RASSF3: variants seen among roughly 807,000 people sequenced by gnomAD.
RASSF3 encodes the protein ras association domain-containing protein 3.
Under a neutral mutation model 19.9 loss-of-function variants are expected in RASSF3, and 19 were observed. The ratio of observed to expected loss-of-function variants is 0.96; its 90% CI spans 0.67 to 1.40. RASSF3 has a LOEUF of 1.40. Among genes scored for constraint, RASSF3 ranks in the 40% most tolerant of loss-of-function variants. The pLI, the probability that RASSF3 is intolerant of heterozygous loss-of-function variation, is 0.00. For synonymous variants in RASSF3, 110 were observed against 104.2 expected, an observed-to-expected ratio of 1.06 and a Z score of -0.34; for missense variants, 306 against 289.8, an observed-to-expected ratio of 1.06 and a Z score of -0.41.
intron 2 of RASSF3, among the ~76,000 whole-genome samples, chr12:64,590,090 A>G (rs1034913375): frequency 6.7e-6 from 1 of 149,842 alleles, no homozygotes; most frequent in Non-Finnish European, 1.5e-5. Flanking sequence ...AAATTAAATT[A>G]GCCAGGTATG....
chr12:64,568,694 A>C (rs1485113751), intron 2 of RASSF3, among the ~76,000 whole-genome samples: 3 of 151,000 alleles, frequency 2.0e-5, no homozygotes. Context: ...CCTAAGGTGT[A>C]ATAAGCCTTT....
chr12:64,689,097 C>T (rs571697908), intron 3 of RASSF3, among the ~76,000 whole-genome samples: 55 of 152,214 alleles, frequency 3.6e-4, no homozygotes, highest in African/African-American at 1.3e-3. Context: ...AGAAAGAGAA[C>T]ATTAAATATT....
intron 1 of RASSF3, among the ~76,000 whole-genome samples, chr12:64,629,538 G>T (rs7308397): frequency 0.8 from 121,043 of 152,164 alleles, 48,558 homozygotes; most frequent in African/African-American, 0.87. Flanking sequence ...GATCCTAGTA[G>T]TCCTGAAATT....
intron 1 of RASSF3, among the ~76,000 whole-genome samples, chr12:64,617,402 C>T (rs969205132): frequency 1.3e-5 from 2 of 152,144 alleles, no homozygotes; most frequent in African/African-American, 4.8e-5. Context: ...TCCCTGGCCT[C>T]TTTTGGCAAT....
chr12:64,536,552 A>G (rs1286895070), intron 1 of RASSF3, among the ~76,000 whole-genome samples: 1 of 152,206 alleles, frequency 6.6e-6, no homozygotes, highest in Non-Finnish European at 1.5e-5. Context: ...AAATAATAAC[A>G]TAATAACTTT....
intron 2 of RASSF3, among the ~76,000 whole-genome samples, chr12:64,555,707 C>T (rs1477033273): frequency 1.3e-5 from 2 of 151,194 alleles, no homozygotes; most frequent in African/African-American, 2.4e-5. Flanking sequence ...TGAGATCGCA[C>T]CACTGCACTC....
intron 1 of RASSF3, among the ~76,000 whole-genome samples, chr12:64,680,965 G>A (rs1448070352): frequency 1.3e-5 from 2 of 152,112 alleles, no homozygotes; most frequent in Non-Finnish European, 2.9e-5. Flanking sequence ...ACGTAAGGAT[G>A]TCTCAGTTAT....
intron 2 of RASSF3, among the ~76,000 whole-genome samples, chr12:64,562,648 T>G (rs1312949658): frequency 6.6e-6 from 1 of 152,066 alleles, no homozygotes; most frequent in Non-Finnish European, 1.5e-5. Context: ...TGAGGCAGGG[T>G]CTTTCTCTGT....
intron 2 of RASSF3, among the ~76,000 whole-genome samples, chr12:64,560,336 C>A (rs960979008): frequency 2.0e-5 from 3 of 152,164 alleles, no homozygotes; most frequent in Non-Finnish European, 2.9e-5. Context: ...GAGGAGGACC[C>A]TTTTTTAAGC....
rs1868405617 is a variant in RASSF3, at chr12:64,697,557, AG to A, written c.*2646del. 2 of 152,196 alleles carry A rather than the reference AG, an allele frequency of 1.3e-5. No homozygotes were observed. Among genetic ancestry groups the A allele is most frequent in the East Asian group, 3.8e-4 (2 of 5,202 alleles). 9.4% of individuals were successfully genotyped at this position (152,196 alleles called of 1,614,324 possible). On this transcript the variant is annotated 3_prime_UTR_variant, in exon 5 of 5. Coordinates refer to ENST00000542104, the MANE Select transcript of RASSF3 (RefSeq NM_178169.4). ...AATTGTTTCCATTATTAAAAATTGA[AG>A]TTATTAGTTGTTTATGTGTGTTTAT...
chr12:64,526,742 C>T (rs1868596518), intron 1 of RASSF3, among the ~76,000 whole-genome samples: 1 of 152,142 alleles, frequency 6.6e-6, no homozygotes. Context: ...GACAGAGTCT[C>T]ACTATGTTGC....
At chr12:64,691,740 A>AGAAGAGAGTTGGAGGGCAGG (rs1868288105) in intron 4 of RASSF3, among the ~76,000 whole-genome samples, 161 bp downstream of exon 4, 9 of 151,854 alleles carry the variant, frequency 5.9e-5, no homozygotes, top group Non-Finnish European at 7.4e-5. Flanking sequence ...GGAGAGGGAG[A>AGAAGAGAGTTGGAGGGCAGG]GGGATTTTGA....
At chr12:64,636,303 C>T (rs1002024281) in intron 1 of RASSF3, among the ~76,000 whole-genome samples, 4 of 151,944 alleles carry the variant, frequency 2.6e-5, no homozygotes, top group Admixed American at 6.5e-5. Flanking sequence ...TTATTAGAGA[C>T]AGGGTTTTGC....
upstream of RASSF3, among the ~76,000 whole-genome samples, chr12:64,530,154 T>C (rs1035976757): frequency 3.3e-5 from 5 of 152,230 alleles, no homozygotes; most frequent in African/African-American, 9.6e-5. Flanking sequence ...TCTGTCATTA[T>C]AGATTAGTTT....
intron 1 of RASSF3, among the ~76,000 whole-genome samples, chr12:64,662,248 G>A (rs1332890396): frequency 8.6e-5 from 9 of 105,072 alleles, no homozygotes; most frequent in African/African-American, 1.1e-4. Context: ...GTGAAACCCC[G>A]TATCTACAAA....
intron 2 of RASSF3, among the ~76,000 whole-genome samples, chr12:64,580,941 G>T (rs906513168): frequency 6.6e-6 from 1 of 151,632 alleles, no homozygotes; most frequent in South Asian, 2.1e-4. Flanking sequence ...CGTACCAGGG[G>T]TTAAGACTTC....
At chr12:64,549,946 G>T (rs1869130114) in intron 2 of RASSF3, among the ~76,000 whole-genome samples, 2 of 152,134 alleles carry the variant, frequency 1.3e-5, no homozygotes, top group South Asian at 4.1e-4. Context: ...CTTTGTGTCT[G>T]TCAGATATTC....
intron 1 of RASSF3, among the ~76,000 whole-genome samples, chr12:64,636,341 C>T (rs1394543458): frequency 2.6e-5 from 4 of 151,764 alleles, no homozygotes; most frequent in Admixed American, 1.3e-4. Flanking sequence ...CTTGGATTCC[C>T]GACCTCAGGC....
chr12:64,625,377 A>G (rs999379231), intron 1 of RASSF3, among the ~76,000 whole-genome samples: 3 of 152,144 alleles, frequency 2.0e-5, no homozygotes, highest in Non-Finnish European at 2.9e-5. Context: ...TTGAAAGAGA[A>G]TGATTAGACA....
Sources: allele counts gnomAD v4.1 joint callset (sites outside exome capture counted in the v4.1 genomes callset), GRCh38; gene constraint gnomAD v4.1.1; transcripts MANE v1.5; gene names NCBI Gene and HGNC (gene_info 2026-07-23, HGNC 2026-07-21).